DLG2: variants seen among roughly 807,000 people sequenced by gnomAD.
The protein encoded by DLG2 is discs large MAGUK scaffold protein 2.
Under a neutral mutation model 132.5 loss-of-function variants are expected in DLG2, and 45 were observed. The observed-to-expected ratio is 0.34, with a 90% CI of 0.27 to 0.44. The LOEUF is 0.44. Among genes scored for constraint, DLG2 ranks in the 20% least tolerant of loss-of-function variants. The pLI is 1.00. For synonymous variants in DLG2, 424 were observed against 419.6 expected (o/e 1.01, Z -0.13); for missense variants, 1,045 against 1,196.9 (o/e 0.87, Z 1.87).
chr11:85,397,063 G>C lies in DLG2; in HGVS notation c.41-111698C>G, dbSNP rs371000801. ...GTTACCCACAAAGGGAAGCCCATCG[G>C]ACTAACAGCAGATCTCTCAGCAGGA... On this transcript the variant is annotated intron_variant, in intron 3 of 27. Transcript: ENST00000376104. Among the ~76,000 whole-genome samples the C allele has an allele frequency of 6.6e-5, 10 of 152,186 alleles. No individual in the cohort carries two copies. In the East Asian group the frequency reaches 1.7e-3, roughly 26 times the overall value.
intron 10 of DLG2, among the ~76,000 whole-genome samples, chr11:84,088,368 T>A (rs2097027369): frequency 6.7e-6 from 1 of 150,094 alleles, no homozygotes; most frequent in African/African-American, 2.5e-5. Flanking sequence ...TGATAGAATT[T>A]GCTAGAGAAA....
At chr11:84,623,570 T>C (rs1379946040) in intron 6 of DLG2, among the ~76,000 whole-genome samples, 3 of 152,224 alleles carry the variant, frequency 2.0e-5, no homozygotes, top group Non-Finnish European at 4.4e-5. Context: ...TTAGTGTTAA[T>C]TATGGATCTT....
At chr11:85,581,463 A>T (rs1433497320) in intron 3 of DLG2, among the ~76,000 whole-genome samples, 1 of 151,820 alleles carries the variant, frequency 6.6e-6, no homozygotes, top group Non-Finnish European at 1.5e-5. Context: ...ACAAAAAAAA[A>T]AAAAATTAGC....
At chr11:83,559,030 A>G (rs1323460678) in intron 19 of DLG2, among the ~76,000 whole-genome samples, 5 of 152,152 alleles carry the variant, frequency 3.3e-5, no homozygotes, top group Admixed American at 3.3e-4. Flanking sequence ...ATTGAAGAAG[A>G]AGTAACATGA....
At chr11:84,133,853 CT>C (rs1432941876) in intron 9 of DLG2, among the ~76,000 whole-genome samples, 1 of 151,988 alleles carries the variant, frequency 6.6e-6, no homozygotes, top group Non-Finnish European at 1.5e-5. Flanking sequence ...GGATATCTGG[CT>C]TTTAAACTAA....
At chr11:84,828,791 C>T (rs1006038743) in intron 6 of DLG2, among the ~76,000 whole-genome samples, 1 of 151,768 alleles carries the variant, frequency 6.6e-6, no homozygotes, top group Non-Finnish European at 1.5e-5. Context: ...CTACTGAATG[C>T]TGTAAAAATG....
intron 6 of DLG2, among the ~76,000 whole-genome samples, chr11:85,061,512 A>T (rs1240092691): frequency 1.3e-5 from 2 of 151,838 alleles, no homozygotes; most frequent in Non-Finnish European, 1.5e-5. Context: ...AGTATCATAT[A>T]GTTTGAAGGG....
chr11:84,108,235 A>G (rs1242093719), intron 9 of DLG2, among the ~76,000 whole-genome samples: 2 of 152,142 alleles, frequency 1.3e-5, no homozygotes, highest in South Asian at 2.1e-4. Context: ...TCAGGGTTCA[A>G]TATTTTGGAG....
intron 3 of DLG2, among the ~76,000 whole-genome samples, chr11:85,367,952 A>T (rs1450128055): frequency 6.6e-6 from 1 of 152,190 alleles, no homozygotes; most frequent in Admixed American, 6.5e-5. Context: ...CTATATTCAT[A>T]AATGAGATTA....
intron 6 of DLG2, among the ~76,000 whole-genome samples, chr11:84,819,992 T>C (rs898793470): frequency 5.3e-5 from 8 of 150,796 alleles, no homozygotes; most frequent in Admixed American, 4.7e-4. Context: ...CAGGAAAAAT[T>C]CTACTTTTCA....
At chr11:83,884,856 G>T (rs1049336123) in intron 15 of DLG2, among the ~76,000 whole-genome samples, 1 of 152,156 alleles carries the variant, frequency 6.6e-6, no homozygotes, top group African/African-American at 2.4e-5. Flanking sequence ...TGGACCTCTA[G>T]CAAACTCCAA....
At chr11:84,413,000 T>C (rs931597575) in intron 7 of DLG2, among the ~76,000 whole-genome samples, 1 of 152,258 alleles carries the variant, frequency 6.6e-6, no homozygotes, top group Non-Finnish European at 1.5e-5. Context: ...TTTCTTAGTA[T>C]GCATGCCTTC....
At chr11:83,887,854 G>C (rs1276397973) in intron 15 of DLG2, among the ~76,000 whole-genome samples, 1 of 142,010 alleles carries the variant, frequency 7.0e-6, no homozygotes, top group Admixed American at 7.0e-5. Flanking sequence ...AAAACCACAG[G>C]ATTATCTCAA....
At chr11:85,499,955 T>G (rs973488839) in intron 3 of DLG2, among the ~76,000 whole-genome samples, 5 of 152,152 alleles carry the variant, frequency 3.3e-5, no homozygotes, top group African/African-American at 1.2e-4. Flanking sequence ...CTCAATATAA[T>G]AAGAGCTATT....
At chr11:84,627,714 G>C (rs1455541222) in intron 6 of DLG2, among the ~76,000 whole-genome samples, 2 of 152,182 alleles carry the variant, frequency 1.3e-5, no homozygotes, top group African/African-American at 2.4e-5. Context: ...TCTTCAGGCT[G>C]CAAAAGCCAG....
chr11:85,021,620 G>C (rs367999586), intron 6 of DLG2: 3 of 1,324,084 alleles, frequency 2.3e-6, no homozygotes, highest in African/African-American at 2.9e-5. Context: ...TTCATGGAGC[G>C]AGGATCTGTC....
chr11:84,210,155 T>G (rs2096732566), intron 8 of DLG2, among the ~76,000 whole-genome samples: 2 of 151,820 alleles, frequency 1.3e-5, no homozygotes, highest in Admixed American at 6.6e-5. Context: ...TGGTGGTACA[T>G]GCCTGTAATC....
At chr11:84,912,971 C>T (rs542089586) in intron 6 of DLG2, among the ~76,000 whole-genome samples, 1 of 152,098 alleles carries the variant, frequency 6.6e-6, no homozygotes, top group East Asian at 1.9e-4. Context: ...ATTAGGGAAG[C>T]CAGTCACAAT....
chr11:85,550,180 C>G (rs997564146), intron 3 of DLG2, among the ~76,000 whole-genome samples: 1 of 152,234 alleles, frequency 6.6e-6, no homozygotes, highest in Non-Finnish European at 1.5e-5. Flanking sequence ...AGCTCAGGAG[C>G]CACAAGTATG....
Sources: gnomAD v4.1 joint callset for allele counts (sites outside exome capture counted in the v4.1 genomes callset) on GRCh38, gnomAD v4.1.1 for gene constraint, MANE v1.5 for transcripts, NCBI Gene and HGNC (gene_info 2026-07-23, HGNC 2026-07-21) for gene names.